Variants in CHODL observed in about 807,000 individuals in gnomAD.
CHODL encodes transmembrane protein MT75.
CHODL carries 29 observed loss-of-function variants against 34.5 expected under a neutral mutation model. The ratio of observed to expected loss-of-function variants is 0.84; its 90% CI spans 0.63 to 1.15. CHODL has a LOEUF of 1.15. Ranked by LOEUF, CHODL falls within the 50% of genes most tolerant of loss-of-function variation. The pLI is 0.00. For synonymous variants in CHODL, 125 were observed against 116.1 expected, an observed-to-expected ratio of 1.08 and a Z score of -0.49; for missense variants, 332 against 332.5, an observed-to-expected ratio of 1.00 and a Z score of 0.01.
chr21:18,019,027 T>G (rs2146422964), intron 1 of CHODL, among the ~76,000 whole-genome samples: 1 of 152,352 alleles, frequency 6.6e-6, no homozygotes, highest in South Asian at 2.1e-4. Context: ...AAAAATCTAC[T>G]GAGCTATTTC....
Position 18,174,647 on chromosome 21 carries a change from A to T in CHODL, c.-44-81862A>T, listed in dbSNP as rs569550070. On this transcript the variant is annotated intron_variant, in intron 2 of 6. Coordinates refer to the CHODL transcript ENST00000400127. ...TAAAATGATTAAATTGATTTTTTTTAATCAGAAAGAACTGGACCAGAAAGT... is the reference window on the plus strand; with the variant it reads ...TAAAATGATTAAATTGATTTTTTTTTATCAGAAAGAACTGGACCAGAAAGT... Among the ~76,000 whole-genome samples the T allele has an allele frequency of 6.8e-4, 103 of 152,260 alleles. 1 individual carries two copies. In the South Asian group the frequency reaches 0.019, roughly 29 times the overall value.
chr21:18,138,674 G>C (rs1344537323), intron 2 of CHODL, among the ~76,000 whole-genome samples: 1 of 152,150 alleles, frequency 6.6e-6, no homozygotes, highest in African/African-American at 2.4e-5. Context: ...CAGCATTTTT[G>C]TTCCTGCTGC....
At chr21:17,928,791 G>A (rs186587257) in intron 1 of CHODL, among the ~76,000 whole-genome samples, 297 of 152,306 alleles carry the variant, frequency 2.0e-3, no homozygotes, top group Non-Finnish European at 3.6e-3. Context: ...GGTGGGACCA[G>A]TTTACTTCTT....
chr21:18,066,138 TA>T (rs1354384082), intron 2 of CHODL, among the ~76,000 whole-genome samples: 1 of 152,180 alleles, frequency 6.6e-6, no homozygotes, highest in Non-Finnish European at 1.5e-5. Flanking sequence ...TTTATGCTAC[TA>T]AATTATGTTT....
chr21:18,051,191 G>C (rs1437917013), intron 2 of CHODL, among the ~76,000 whole-genome samples: 1 of 151,946 alleles, frequency 6.6e-6, no homozygotes, highest in East Asian at 2.0e-4. Context: ...TGGGTTTTCT[G>C]TTCCTGTGTT....
chr21:18,226,671 A>G lies in CHODL; in HGVS notation c.-44-29838A>G, dbSNP rs185371866. The stretch of plus-strand genomic sequence containing the variant: ...TAGCAATACTCATTGAAGTATTATT[A>G]TATTATCTTTTATTTTTATATAAAT... On this transcript the variant is annotated intron_variant, in intron 2 of 6. Transcript: ENST00000400127. Among the ~76,000 whole-genome samples, 41 of 152,264 alleles carry G rather than the reference A, an allele frequency of 2.7e-4. No individual in the cohort carries two copies. In the East Asian group the frequency reaches 3.5e-3, roughly 13 times the overall value.
rs542979314 is a variant in CHODL at position 18,121,040 on chromosome 21, T to A, written c.-45+93069T>A. Among the ~76,000 whole-genome samples, 4 of 152,330 alleles carry A rather than the reference T, an allele frequency of 2.6e-5. No homozygotes were observed. In the South Asian group the frequency reaches 8.3e-4, roughly 32 times the overall value. On this transcript the variant is annotated intron_variant, in intron 2 of 6. Coordinates refer to the CHODL transcript ENST00000400127. ...CCAAGTTTTCCAGATGCTCTCATTT[T>A]GTACCCTGGCTGTCTGTTTTCTGTG...
intron 1 of CHODL, among the ~76,000 whole-genome samples, chr21:17,931,326 A>G (rs1363653820): frequency 3.3e-5 from 5 of 152,236 alleles, no homozygotes; most frequent in Non-Finnish European, 7.3e-5. Flanking sequence ...GCTAACAAGA[A>G]GTACACAAGG....
intron 1 of CHODL, among the ~76,000 whole-genome samples, chr21:17,990,609 G>C (rs576901258): frequency 6.6e-6 from 1 of 151,984 alleles, no homozygotes; most frequent in Non-Finnish European, 1.5e-5. Context: ...ACAAAGTTGA[G>C]CATTAAAACT....
intron 2 of CHODL, among the ~76,000 whole-genome samples, chr21:18,197,330 G>A (rs1295331337): frequency 4.6e-5 from 7 of 152,042 alleles, no homozygotes. Context: ...ATTTATCGTG[G>A]CTGAGCGCAG....
At chr21:18,207,469 A>G (rs1292145026) in intron 2 of CHODL, among the ~76,000 whole-genome samples, 1 of 152,152 alleles carries the variant, frequency 6.6e-6, no homozygotes. Context: ...TAGTGTTTCT[A>G]CTTAAGATAT....
intron 2 of CHODL, among the ~76,000 whole-genome samples, chr21:18,100,464 G>C (rs142269773): frequency 4.6e-5 from 7 of 152,152 alleles, no homozygotes; most frequent in Non-Finnish European, 1.0e-4. Flanking sequence ...GATGGTGACT[G>C]TTTGGTTTGT....
intron 2 of CHODL, among the ~76,000 whole-genome samples, chr21:18,159,107 T>G (rs1016725153): frequency 6.6e-6 from 1 of 152,080 alleles, no homozygotes; most frequent in Non-Finnish European, 1.5e-5. Flanking sequence ...CCGGGGATAT[T>G]TGGCACTATC....
intron 2 of CHODL, among the ~76,000 whole-genome samples, chr21:18,206,695 G>T (rs995148853): frequency 4.0e-5 from 6 of 149,670 alleles, no homozygotes; most frequent in African/African-American, 7.4e-5. Context: ...CCATTTTGTT[G>T]TTTGTTTTCT....
chr21:17,997,731 C>G lies in CHODL; in HGVS notation c.-144-30141C>G, dbSNP rs146591176. On this transcript the variant is annotated intron_variant, in intron 1 of 6. Coordinates refer to the CHODL transcript ENST00000400127. ...ACCCCTGATATGCCCATCGGATCTC[C>G]TGAGACTTTTTCACTATCATGAGAA... is the stretch of plus-strand genomic sequence containing the variant. Among the ~76,000 whole-genome samples the G allele has an allele frequency of 5.9e-3, 903 of 152,216 alleles. 9 individuals carry two copies. The highest frequency in any genetic ancestry group is 0.015 in the African/African-American group (613 of 41,536).
intron 2 of CHODL, among the ~76,000 whole-genome samples, chr21:18,081,475 G>A (rs2064940617): frequency 1.3e-5 from 2 of 152,236 alleles, no homozygotes; most frequent in African/African-American, 2.4e-5. Flanking sequence ...GAGGTCAGGA[G>A]TTCAAGACCA....
chr21:18,096,049 A>G (rs1288459129), intron 2 of CHODL, among the ~76,000 whole-genome samples: 1 of 152,184 alleles, frequency 6.6e-6, no homozygotes, highest in Non-Finnish European at 1.5e-5. Context: ...GATTTCATGG[A>G]CATTAATTAG....
At chr21:18,177,741 T>G (rs934673301) in intron 2 of CHODL, among the ~76,000 whole-genome samples, 1 of 152,160 alleles carries the variant, frequency 6.6e-6, no homozygotes, top group Non-Finnish European at 1.5e-5. Context: ...TAATGTTATA[T>G]TATCTACTTG....
chr21:18,232,826 G>A (rs534549490), intron 2 of CHODL, among the ~76,000 whole-genome samples: 36 of 150,866 alleles, frequency 2.4e-4, no homozygotes, highest in Non-Finnish European at 4.3e-4. Context: ...GATATATTAT[G>A]TTTTTATGCT....
Sources: gnomAD v4.1 joint callset for allele counts (sites outside exome capture counted in the v4.1 genomes callset) on GRCh38, gnomAD v4.1.1 for gene constraint, MANE v1.5 for transcripts, NCBI Gene and HGNC (gene_info 2026-07-23, HGNC 2026-07-21) for gene names.